TTBK1: variants seen among roughly 807,000 people sequenced by gnomAD.
TTBK1 encodes the protein tau-tubulin kinase 1.
TTBK1 carries 34 observed loss-of-function variants against 108.5 expected under a neutral mutation model. The ratio of observed to expected loss-of-function variants is 0.31; its 90% CI spans 0.24 to 0.42. The LOEUF is 0.42. Among genes scored for constraint, TTBK1 ranks in the 10% least tolerant of loss-of-function variants. The pLI is 1.00. For missense variants in TTBK1, 1,539 were observed against 1,826.0 expected (o/e 0.84, Z 2.86); for synonymous variants, 809 against 795.1 (o/e 1.02, Z -0.29).
Position 43,265,352 on chromosome 6 carries a change from C to A in TTBK1, c.1986+2002C>A, listed in dbSNP as rs1203308158. ...GAGTGTATGCAGACCCCATCCCTAT[C>A]TAGAGGTCCCTTCTAGAAGAGAGGA... On this transcript the variant is annotated intron_variant, in intron 13 of 14. Transcript: ENST00000259750. This position sits in a 1 kb window ranked among gnomAD's most constrained non-coding sequence, Gnocchi z 4.1. 6.6e-6 allele frequency among the ~76,000 whole-genome samples: 1 copy of A among 152,188 alleles called. No individual in the cohort carries two copies. The highest frequency in any genetic ancestry group is 1.5e-5 in the Non-Finnish European group (1 of 68,028).
chr6:43,266,225 G>A (rs1457809119), intron 13 of TTBK1, among the ~76,000 whole-genome samples: 1 of 152,228 alleles, frequency 6.6e-6, no homozygotes, highest in Non-Finnish European at 1.5e-5. Flanking sequence ...CTGGTGGATG[G>A]ATGTGTCCAC....
At chr6:43,275,282 C>T (rs898337437) in intron 13 of TTBK1, among the ~76,000 whole-genome samples, 2 of 151,960 alleles carry the variant, frequency 1.3e-5, no homozygotes, top group African/African-American at 2.4e-5. Context: ...CGCCCTGCAC[C>T]CCCCGCCGGA....
chr6:43,269,588 C>G lies in TTBK1; in HGVS notation c.1986+6238C>G. ...GCGGTGGGTGGCCCCGGAGACGGAG[C>G]TGTCGAGTCTGTGCCTGACACCTCT... On this transcript the variant is annotated intron_variant, in intron 13 of 14. Transcript: ENST00000259750. The surrounding 1 kb of genome is among the most constrained non-coding windows in gnomAD (Gnocchi z 4.8). 1.3e-6 allele frequency: 2 copies of G among 1,528,578 alleles called. No homozygotes were observed. The highest frequency in any genetic ancestry group is 3.8e-5 in the Admixed American group (2 of 53,286). 94.7% of individuals were successfully genotyped at this position (1,528,578 alleles called of 1,614,324 possible).
intron 14 of TTBK1, 116 bp downstream of exon 14, chr6:43,284,428 G>A (rs1778302766): frequency 7.0e-7 from 1 of 1,421,238 alleles, no homozygotes; most frequent in South Asian, 1.5e-5. Context: ...GACCCTCAGT[G>A]ACACCTCCTG....
chr6:43,266,588 G>C (rs1362378576), intron 13 of TTBK1, among the ~76,000 whole-genome samples: 2 of 152,074 alleles, frequency 1.3e-5, no homozygotes, highest in East Asian at 3.8e-4. Flanking sequence ...GCTGAGCTCT[G>C]AGCCATTCCG....
rs1398406802 is a variant in TTBK1 at position 43,265,029 on chromosome 6, C to T, written c.1986+1679C>T. 1.3e-5 allele frequency among the ~76,000 whole-genome samples: 2 copies of T among 152,168 alleles called. No individual in the cohort carries two copies. Among genetic ancestry groups the T allele is most frequent in the Non-Finnish European group, 2.9e-5 (2 of 68,024 alleles). On this transcript the variant is annotated intron_variant, in intron 13 of 14. Coordinates refer to ENST00000259750, the MANE Select transcript of TTBK1 (RefSeq NM_032538.3). This position sits in a 1 kb window ranked among gnomAD's most constrained non-coding sequence, Gnocchi z 4.1. Reference sequence around the variant, plus strand: ...GTCAGAATAGGCAGAGAGCCACTGGCCTGACCAGGCTTTGCTGTGTGGGAC... The same window carrying T: ...GTCAGAATAGGCAGAGAGCCACTGGTCTGACCAGGCTTTGCTGTGTGGGAC...
At chr6:43,274,893 G>A (rs1446913778) in intron 13 of TTBK1, among the ~76,000 whole-genome samples, 3 of 152,132 alleles carry the variant, frequency 2.0e-5, no homozygotes, top group South Asian at 2.1e-4. Flanking sequence ...GGAAGGGGTG[G>A]AGAGGAGGGG....
Position 43,285,359 on chromosome 6 carries a change from C to G in TTBK1, c.3949C>G (p.Arg1317Gly). ...TKGRAGGAEG[R>G]AGAR ...AGGCCGGGCAGGAGGCGCGGAGGGC[C>G]GGGCTGGGGCCAGATAATGACGCCC... Residue 1317 changes from arginine (R) to glycine (G), a missense_variant, in exon 15 of 15, where the codon CGG (arginine) becomes GGG (glycine). This residue lies in a region of TTBK1 where 1,055 missense variants were observed against 1,086.5 expected (regional missense o/e 0.97). Coordinates refer to ENST00000259750, the MANE Select transcript of TTBK1 (RefSeq NM_032538.3). This position sits in a 1 kb window ranked among gnomAD's most constrained non-coding sequence, Gnocchi z 4.7. The G allele has an allele frequency of 7.8e-7, 1 of 1,281,360 alleles. No homozygotes were observed. The highest frequency in any genetic ancestry group is 9.8e-7 in the Non-Finnish European group (1 of 1,019,066). 79.4% of individuals were successfully genotyped at this position (1,281,360 alleles called of 1,614,324 possible).
rs201098083 is a variant in TTBK1 at position 43,283,747 on chromosome 6, C to G, written c.3007C>G (p.Arg1003Gly). ...IEGSALSGAP[R>G]ETPSEMATNS... is the part of the protein sequence containing the mutation. ...GGGCTCTGCCCTGTCTGGGGCCCCCCGGGAAACCCCCTCAGAGATGGCCAC... is the reference window on the plus strand; with the variant it reads ...GGGCTCTGCCCTGTCTGGGGCCCCCGGGGAAACCCCCTCAGAGATGGCCAC... The change falls in exon 14 of 15, where the codon CGG becomes GGG. Residue 1003 changes from arginine to glycine, a missense_variant. Coordinates refer to ENST00000259750, the MANE Select transcript of TTBK1 (RefSeq NM_032538.3). This position sits in a 1 kb window ranked among gnomAD's most constrained non-coding sequence, Gnocchi z 8.1. 6 of 1,613,472 alleles carry G rather than the reference C, an allele frequency of 3.7e-6. No homozygotes were observed. Among genetic ancestry groups the G allele is most frequent in the African/African-American group, 2.7e-5 (2 of 74,876 alleles).
chr6:43,270,037 A>T, intron 13 of TTBK1: 1 of 1,421,722 alleles, frequency 7.0e-7, no homozygotes, highest in Middle Eastern at 2.6e-4. Flanking sequence ...GGACGCAATA[A>T]TCACACACTC....
intron 13 of TTBK1, chr6:43,270,806 G>A (rs1452677446): frequency 1.0e-6 from 1 of 985,494 alleles, no homozygotes. Flanking sequence ...CAGCTAAGGT[G>A]GTTGTTAAGG....
At chr6:43,272,985 T>C (rs544165371) in intron 13 of TTBK1, among the ~76,000 whole-genome samples, 1 of 152,324 alleles carries the variant, frequency 6.6e-6, no homozygotes, top group Admixed American at 6.5e-5. Context: ...CATTTAGTGG[T>C]GGCTTACAAT....
intron 2 of TTBK1, among the ~76,000 whole-genome samples, chr6:43,251,164 T>C (rs1777227900): frequency 6.6e-6 from 1 of 152,230 alleles, no homozygotes; most frequent in South Asian, 2.1e-4. Flanking sequence ...AATGGTAACC[T>C]GGGAACTCCC....
rs1445200650 is a variant in TTBK1 at position 43,283,904 on chromosome 6, G to A, written c.3164G>A (p.Arg1055His). The A allele has an allele frequency of 6.2e-6, 10 of 1,612,378 alleles. No homozygotes were observed. The highest frequency in any genetic ancestry group is 2.7e-5 in the African/African-American group (2 of 75,048). ...ATGCCAGGCTCTCGCCCCAGGAGCC[G>A]TATCCCTGTCCTGCTCTCTGAGGAG... Reference protein sequence around the residue: ...HAMPGSRPRSRIPVLLSEEDT... With the variant: ...HAMPGSRPRSHIPVLLSEEDT... The change falls in exon 14 of 15, where the codon CGT (arginine) becomes CAT (histidine). Residue 1055 changes from arginine to histidine, a missense_variant. This residue lies in a region of TTBK1 where 1,055 missense variants were observed against 1,086.5 expected (regional missense o/e 0.97). Coordinates refer to ENST00000259750, the MANE Select transcript of TTBK1 (RefSeq NM_032538.3). This position sits in a 1 kb window ranked among gnomAD's most constrained non-coding sequence, Gnocchi z 8.1.
At position 43,259,368 on chromosome 6, in the gene TTBK1, C is replaced by A; in HGVS notation, c.1248+99C>A. ...CTGTTCCTCCTAAGCACCCTGTCCC[C>A]GGCCATCTGCCTGCTTGCCCTGCCT... On this transcript the variant is annotated intron_variant, in intron 11 of 14. Coordinates refer to ENST00000259750, the MANE Select transcript of TTBK1 (RefSeq NM_032538.3). This position sits in a 1 kb window ranked among gnomAD's most constrained non-coding sequence, Gnocchi z 6.7. 1 of 1,275,300 alleles carries A rather than the reference C, an allele frequency of 7.8e-7. No homozygotes were observed. Among genetic ancestry groups the A allele is most frequent in the East Asian group, 2.5e-5 (1 of 39,776 alleles). 79.0% of individuals were successfully genotyped at this position (1,275,300 alleles called of 1,614,324 possible).
intron 13 of TTBK1, among the ~76,000 whole-genome samples, chr6:43,280,991 G>T (rs7760749): frequency 6.6e-6 from 1 of 151,820 alleles, no homozygotes; most frequent in Non-Finnish European, 1.5e-5. Flanking sequence ...GGCAGGGGAC[G>T]GAGGGTGTTG....
chr6:43,259,134 C>T lies in TTBK1; in HGVS notation c.1113C>T (p.Pro371=). 12 of 1,614,060 alleles carry T rather than the reference C, an allele frequency of 7.4e-6. No individual in the cohort carries two copies. Among genetic ancestry groups the T allele is most frequent in the Non-Finnish European group, 1.0e-5 (12 of 1,179,962 alleles). ...GEHLSDQENA[P]PILPGRPSEG... Reference sequence around the variant, plus strand: ...ACCTGAGTGACCAGGAGAATGCACCCCCAATTCTGCCCGGGAGGCCCTCTG... The same window carrying T: ...ACCTGAGTGACCAGGAGAATGCACCTCCAATTCTGCCCGGGAGGCCCTCTG... Residue 371 remains proline, a synonymous_variant, in exon 11 of 15, where the codon CCC becomes CCT. Coordinates refer to ENST00000259750, the MANE Select transcript of TTBK1 (RefSeq NM_032538.3). The surrounding 1 kb of genome is among the most constrained non-coding windows in gnomAD (Gnocchi z 6.7).
Position 43,270,495 on chromosome 6 carries a change from G to A in TTBK1, c.1986+7145G>A, listed in dbSNP as rs1174153918. 4.0e-6 allele frequency: 4 copies of A among 988,298 alleles called. No individual in the cohort carries two copies. The East Asian group carries it at 4.5e-4, about 111-fold the overall frequency. The allele number at this position is 988,298 out of a possible 1,614,324, so 61.2% of individuals were successfully genotyped here. On this transcript the variant is annotated intron_variant, in intron 13 of 14. Transcript: ENST00000259750. ...GATGGAGGCCAGGACAGCCAGGTTTGGAATGTGGTGGGGAGTGTTTCAATG... is the reference window on the plus strand; with the variant it reads ...GATGGAGGCCAGGACAGCCAGGTTTAGAATGTGGTGGGGAGTGTTTCAATG...
intron 12 of TTBK1, among the ~76,000 whole-genome samples, chr6:43,262,438 G>C (rs1777566214): frequency 6.6e-6 from 1 of 152,142 alleles, no homozygotes; most frequent in African/African-American, 2.4e-5. Context: ...AACAAAGCTT[G>C]CCTGAGGAAG....
Sources: allele counts gnomAD v4.1 joint callset (sites outside exome capture counted in the v4.1 genomes callset), GRCh38; gene constraint gnomAD v4.1.1; regional missense constraint gnomAD v4.1.1; non-coding constraint Gnocchi (gnomAD v3.1); transcripts MANE v1.5; gene names NCBI Gene and HGNC (gene_info 2026-07-23, HGNC 2026-07-21).